STARD3NL: variants seen among roughly 807,000 people sequenced by gnomAD.
STARD3NL encodes STARD3 N-terminal-like protein.
Under a neutral mutation model 30.9 loss-of-function variants are expected in STARD3NL, and 17 were observed. The observed-to-expected ratio is 0.55, with a 90% CI of 0.38 to 0.82. STARD3NL has a LOEUF of 0.82. Ranked by LOEUF, STARD3NL falls within the 40% of genes least tolerant of loss-of-function variation. The pLI, the probability that STARD3NL is intolerant of heterozygous loss-of-function variation, is 0.00. For synonymous variants in STARD3NL, 112 were observed against 100.5 expected (o/e 1.11, Z -0.69); for missense variants, 234 against 277.6 (o/e 0.84, Z 1.12).
intron 1 of STARD3NL, among the ~76,000 whole-genome samples, chr7:38,178,864 CAAAAA>C (rs796132304): frequency 3.5e-5 from 5 of 142,228 alleles, no homozygotes; most frequent in African/African-American, 1.3e-4. Context: ...AAGTCGTGTT[CAAAAA>C]AAAAAAAAAG....
intron 1 of STARD3NL, among the ~76,000 whole-genome samples, chr7:38,185,013 C>G (rs1784403843): frequency 1.3e-5 from 2 of 151,826 alleles, no homozygotes; most frequent in East Asian, 3.9e-4. Context: ...GTAACGTGCT[C>G]TGAGTCTGTT....
At chr7:38,183,996 A>G (rs1025014096) in intron 1 of STARD3NL, among the ~76,000 whole-genome samples, 1 of 152,190 alleles carries the variant, frequency 6.6e-6, no homozygotes, top group African/African-American at 2.4e-5. Context: ...CTAATTGAAT[A>G]CCTAACACAT....
intron 8 of STARD3NL, among the ~76,000 whole-genome samples, chr7:38,229,444 G>A (rs753657038): frequency 3.9e-4 from 59 of 152,232 alleles, no homozygotes; most frequent in Admixed American, 1.2e-3. Flanking sequence ...CTCCAAAGTG[G>A]AACACATTGT....
intron 1 of STARD3NL, among the ~76,000 whole-genome samples, chr7:38,187,428 A>G (rs1784507918): frequency 6.6e-6 from 1 of 152,052 alleles, no homozygotes; most frequent in East Asian, 1.9e-4. Flanking sequence ...TGTATTATTT[A>G]TATATCTTCC....
intron 1 of STARD3NL, among the ~76,000 whole-genome samples, chr7:38,197,213 CCTCT>C (rs1784965103): frequency 1.8e-5 from 1 of 56,640 alleles, no homozygotes; most frequent in South Asian, 4.8e-4. Context: ...TCTCTCTTTC[CCTCT>C]CTCTTTCTTT....
chr7:38,209,729 T>C (rs1452438373), intron 2 of STARD3NL, among the ~76,000 whole-genome samples: 1 of 152,154 alleles, frequency 6.6e-6, no homozygotes, highest in Non-Finnish European at 1.5e-5. Flanking sequence ...AGTCATGGGG[T>C]AGAACTGTGG....
chr7:38,216,400 T>G (rs1214885398), intron 4 of STARD3NL: 1 of 152,254 alleles, frequency 6.6e-6, no homozygotes, highest in Non-Finnish European at 1.5e-5. Flanking sequence ...TGTGAGCCTG[T>G]AAAGTTAATT....
intron 7 of STARD3NL, among the ~76,000 whole-genome samples, chr7:38,222,497 G>T (rs1451066658): frequency 6.6e-6 from 1 of 152,146 alleles, no homozygotes; most frequent in Non-Finnish European, 1.5e-5. Context: ...ATTCATATTA[G>T]AGTTCATGCA....
chr7:38,195,808 A>G lies in STARD3NL; in HGVS notation c.-58-11639A>G, dbSNP rs1784876079. 3.3e-5 allele frequency among the ~76,000 whole-genome samples: 5 copies of G among 152,332 alleles called. No individual in the cohort carries two copies. The South Asian group carries it at 1.0e-3, about 32-fold the overall frequency. ...CCATCATTTAGACTGTGTCTGAATGATATCTCTAGAAGTTCCCAAAGAGTA... is the reference window on the plus strand; with the variant it reads ...CCATCATTTAGACTGTGTCTGAATGGTATCTCTAGAAGTTCCCAAAGAGTA... On this transcript the variant is annotated intron_variant, in intron 1 of 8. Coordinates refer to ENST00000009041, the MANE Select transcript of STARD3NL (RefSeq NM_032016.4).
intron 1 of STARD3NL, among the ~76,000 whole-genome samples, chr7:38,194,006 A>G (rs185903055): frequency 6.6e-6 from 1 of 152,244 alleles, no homozygotes; most frequent in Non-Finnish European, 1.5e-5. Context: ...TTTATTTCAA[A>G]TATTGAAATG....
chr7:38,206,171 G>A (rs192883302), intron 1 of STARD3NL, among the ~76,000 whole-genome samples: 1 of 152,294 alleles, frequency 6.6e-6, no homozygotes, highest in East Asian at 1.9e-4. Flanking sequence ...GGAAATCTCA[G>A]CTGTCTGTTT....
At position 38,204,273 on chromosome 7, in the gene STARD3NL, A is replaced by G. The variant is rs557305118; in HGVS notation, c.-58-3174A>G. Among the ~76,000 whole-genome samples the G allele has an allele frequency of 3.0e-4, 46 of 152,374 alleles. No homozygotes were observed. The East Asian group carries it at 8.3e-3, about 27-fold the overall frequency. On this transcript the variant is annotated intron_variant, in intron 1 of 8. Coordinates refer to ENST00000009041, the MANE Select transcript of STARD3NL (RefSeq NM_032016.4). ...CAGCAAATGTAAAAGAAGAGAAATT[A>G]TAACAAACTGTCTCTCAGACCACTG... is the stretch of plus-strand genomic sequence containing the variant.
chr7:38,209,904 A>C (rs1214441628), intron 2 of STARD3NL, among the ~76,000 whole-genome samples: 2 of 152,206 alleles, frequency 1.3e-5, no homozygotes, highest in Non-Finnish European at 2.9e-5. Context: ...CAATTTAGAA[A>C]TGTGTTTTTA....
At chr7:38,193,400 G>A (rs11977525) in intron 1 of STARD3NL, among the ~76,000 whole-genome samples, 1,883 of 152,132 alleles carry the variant, frequency 0.012, 50 homozygotes, top group African/African-American at 0.044. Context: ...CTGGGTTCAC[G>A]CCATCCTCCT....
At chr7:38,206,820 G>C (rs995717391) in intron 1 of STARD3NL, among the ~76,000 whole-genome samples, 1 of 152,138 alleles carries the variant, frequency 6.6e-6, no homozygotes, top group African/African-American at 2.4e-5. Context: ...ACCCAGGCTG[G>C]AGTCCAGTGG....
chr7:38,228,998 T>C, intron 8 of STARD3NL, 127 bp downstream of exon 8: 1 of 583,000 alleles, frequency 1.7e-6, no homozygotes, highest in Non-Finnish European at 2.9e-6. Context: ...CTTGCATGAA[T>C]TTATCAGTCA....
intron 1 of STARD3NL, among the ~76,000 whole-genome samples, chr7:38,198,622 GTCCTGGC>G (rs1785033037): frequency 6.6e-6 from 1 of 152,186 alleles, no homozygotes; most frequent in Non-Finnish European, 1.5e-5. Flanking sequence ...AACATACAGT[GTCCTGGC>G]TGCTGCCATA....
intron 1 of STARD3NL, among the ~76,000 whole-genome samples, chr7:38,200,737 G>A (rs1341106968): frequency 1.3e-5 from 2 of 152,024 alleles, no homozygotes; most frequent in Non-Finnish European, 2.9e-5. Context: ...CTAGTCCACA[G>A]GCCCTTACCG....
intron 1 of STARD3NL, among the ~76,000 whole-genome samples, chr7:38,194,538 G>A (rs1334757943): frequency 2.0e-5 from 3 of 151,980 alleles, no homozygotes; most frequent in East Asian, 1.9e-4. Context: ...TATTTTAAAA[G>A]TAGTAAATTA....
Sources: allele counts gnomAD v4.1 joint callset (sites outside exome capture counted in the v4.1 genomes callset), GRCh38; gene constraint gnomAD v4.1.1; transcripts MANE v1.5; gene names NCBI Gene and HGNC (gene_info 2026-07-23, HGNC 2026-07-21).